DAB1: variants seen among roughly 807,000 people sequenced by gnomAD.
The protein encoded by DAB1 is DAB adaptor protein 1.
DAB1 carries 15 observed loss-of-function variants against 64.6 expected under a neutral mutation model. The observed-to-expected ratio is 0.23, with a 90% CI of 0.16 to 0.36. The LOEUF is 0.36. Among genes scored for constraint, DAB1 ranks in the 10% least tolerant of loss-of-function variants. The pLI, the probability that DAB1 is intolerant of heterozygous loss-of-function variation, is 1.00. For missense variants in DAB1, 596 were observed against 706.7 expected (o/e 0.84, Z 1.78); for synonymous variants, 235 against 251.9 (o/e 0.93, Z 0.64).
chr1:58,315,837 G>A (rs1557729586), intron 4 of DAB1, among the ~76,000 whole-genome samples: 1 of 152,204 alleles, frequency 6.6e-6, no homozygotes, highest in African/African-American at 2.4e-5. Flanking sequence ...TTGTACTCAA[G>A]ATGCTAAGAT....
chr1:58,433,594 A>T (rs61780377), intron 3 of DAB1, among the ~76,000 whole-genome samples: 18,023 of 89,530 alleles, frequency 0.2, 1,393 homozygotes, highest in Middle Eastern at 0.26. Flanking sequence ...AGAGAGAGAG[A>T]GAGTGTGTGT....
At chr1:57,918,703 A>G (rs959987668) in intron 5 of DAB1, among the ~76,000 whole-genome samples, 1 of 152,198 alleles carries the variant, frequency 6.6e-6, no homozygotes, top group Non-Finnish European at 1.5e-5. Context: ...GGGCACCTGT[A>G]GTCCCAGCTA....
intron 4 of DAB1, among the ~76,000 whole-genome samples, chr1:58,215,288 T>G (rs1658788229): frequency 6.6e-6 from 1 of 152,140 alleles, no homozygotes; most frequent in Non-Finnish European, 1.5e-5. Flanking sequence ...AGCTCCTTCT[T>G]GTCATTCAGG....
At chr1:57,831,765 A>T (rs1040319688) in intron 1 of DAB1, among the ~76,000 whole-genome samples, 2 of 151,970 alleles carry the variant, frequency 1.3e-5, no homozygotes, top group African/African-American at 4.8e-5. Flanking sequence ...CTGGTCTCAA[A>T]TTCCTGGGCT....
intron 5 of DAB1, among the ~76,000 whole-genome samples, chr1:57,984,184 A>AAAAAAAAAGAAAGAAAG (rs1276859040): frequency 5.9e-5 from 3 of 50,656 alleles, no homozygotes; most frequent in African/African-American, 1.7e-4. Context: ...TAGCTTAAAA[A>AAAAAAAAAGAAAGAAAG]AAAGAAAGAA....
intron 2 of DAB1, among the ~76,000 whole-genome samples, chr1:57,246,770 A>G (rs979139281): frequency 2.6e-5 from 4 of 152,238 alleles, no homozygotes; most frequent in African/African-American, 9.6e-5. Context: ...GCCCAAGGCC[A>G]TAGGAGCCCA....
chr1:58,516,195 C>A (rs989066821), intron 2 of DAB1, among the ~76,000 whole-genome samples: 3 of 152,122 alleles, frequency 2.0e-5, no homozygotes, highest in Non-Finnish European at 4.4e-5. Flanking sequence ...CAATCAAAAA[C>A]AATCATACAC....
chr1:57,853,737 T>G (rs906651346), intron 1 of DAB1, among the ~76,000 whole-genome samples: 1 of 152,262 alleles, frequency 6.6e-6, no homozygotes, highest in Non-Finnish European at 1.5e-5. Context: ...AGCAACAAGA[T>G]AATAACCTCA....
At chr1:58,063,135 T>C (rs17116797) in intron 5 of DAB1, among the ~76,000 whole-genome samples, 4,803 of 152,224 alleles carry the variant, frequency 0.032, 152 homozygotes, top group East Asian at 0.12. Context: ...GCCCATTCCA[T>C]TGGCACCAAA....
At chr1:57,135,507 C>A (rs1204052536) in intron 4 of DAB1, among the ~76,000 whole-genome samples, 1 of 152,176 alleles carries the variant, frequency 6.6e-6, no homozygotes, top group Non-Finnish European at 1.5e-5. Flanking sequence ...ATTCATCCAT[C>A]TACAGGCATG....
chr1:58,028,512 A>C (rs192963084), intron 5 of DAB1, among the ~76,000 whole-genome samples: 1 of 152,314 alleles, frequency 6.6e-6, no homozygotes, highest in African/African-American at 2.4e-5. Context: ...CATGTTAAAC[A>C]GTGAAATTAC....
intron 3 of DAB1, among the ~76,000 whole-genome samples, chr1:58,348,180 C>T (rs921335183): frequency 9.2e-5 from 14 of 152,134 alleles, no homozygotes; most frequent in Non-Finnish European, 1.5e-5. Flanking sequence ...AAACCCCTGG[C>T]AAATACACCT....
intron 2 of DAB1, among the ~76,000 whole-genome samples, chr1:57,163,662 G>A (rs1660967459): frequency 1.3e-5 from 2 of 152,022 alleles, no homozygotes; most frequent in African/African-American, 2.4e-5. Context: ...AGAAGCAGGG[G>A]CTAATAATCC....
chr1:58,021,457 G>A (rs1646813778), intron 5 of DAB1, among the ~76,000 whole-genome samples: 1 of 152,152 alleles, frequency 6.6e-6, no homozygotes, highest in Non-Finnish European at 1.5e-5. Context: ...GCTAGCAAAT[G>A]GTAAAGCCTG....
intron 4 of DAB1, among the ~76,000 whole-genome samples, chr1:58,275,149 C>A (rs1006001404): frequency 6.6e-6 from 1 of 152,162 alleles, no homozygotes; most frequent in African/African-American, 2.4e-5. Flanking sequence ...TAAATTTAGA[C>A]CTTTATGTGA....
At chr1:57,743,770 CAG>C (rs1454671542) in intron 6 of DAB1, among the ~76,000 whole-genome samples, 3 of 152,234 alleles carry the variant, frequency 2.0e-5, no homozygotes, top group Non-Finnish European at 4.4e-5. Flanking sequence ...AGTGGGAAAT[CAG>C]GGGTCTCACA....
chr1:57,195,931 AAGCCAG>A (rs1664586986), intron 2 of DAB1, among the ~76,000 whole-genome samples: 2 of 152,214 alleles, frequency 1.3e-5, no homozygotes, highest in East Asian at 1.9e-4. Flanking sequence ...AAACTCAAAT[AAGCCAG>A]AGAAAAAATA....
intron 7 of DAB1, among the ~76,000 whole-genome samples, chr1:57,535,455 A>G (rs970617022): frequency 3.5e-5 from 5 of 141,728 alleles, no homozygotes; most frequent in African/African-American, 1.3e-4. Context: ...CTACTGTTAC[A>G]TTTTGTTGGA....
At chr1:58,181,102 A>G (rs997116140) in intron 4 of DAB1, among the ~76,000 whole-genome samples, 1 of 151,688 alleles carries the variant, frequency 6.6e-6, no homozygotes, top group East Asian at 1.9e-4. Flanking sequence ...AGAATTGCCT[A>G]TTTCTCCCTT....
Sources: allele counts gnomAD v4.1 joint callset (sites outside exome capture counted in the v4.1 genomes callset), GRCh38; gene constraint gnomAD v4.1.1; transcripts MANE v1.5; gene names NCBI Gene and HGNC (gene_info 2026-07-23, HGNC 2026-07-21).